The following CIBAR2 variants were observed in gnomAD, a reference collection of about 807,000 sequenced individuals.
The protein encoded by CIBAR2 is CBY1 interacting BAR domain containing 2, also known as CBY1-interacting BAR domain-containing protein 2.
CIBAR2 carries 38 observed loss-of-function variants against 36.2 expected under a neutral mutation model. That is an observed-to-expected ratio of 1.05 (90% confidence interval 0.81 to 1.38). The LOEUF (loss-of-function observed/expected upper bound fraction) is 1.38, where lower values mean the gene tolerates loss of function less well. CIBAR2 is among the 40% of genes most tolerant of loss of function. The probability of loss-of-function intolerance (pLI) is 0.00; values close to 1 mark genes in which losing one functional copy is unlikely to be tolerated. For synonymous variants in CIBAR2, 182 were observed against 149.5 expected (o/e 1.22, Z -1.58); for missense variants, 481 against 383.4 (o/e 1.25, Z -2.13).
chr16:85,110,347 T>C lies in CIBAR2; in HGVS notation c.134A>G (p.Lys45Arg), dbSNP rs1208975900. The change falls in exon 2 of 9, where the codon AAG becomes AGG. Residue 45 changes from lysine to arginine, a missense_variant. Coordinates refer to ENST00000539556, the MANE Select transcript of CIBAR2 (RefSeq NM_198491.3). The stretch of plus-strand genomic sequence containing the variant: ...GAGCTGCTTGACCAGCTGGTCCGCC[T>C]TGTCCCGCAGCCGGGCCGTCTTGCG... The part of the protein sequence containing the change: ...YTRKTARLRD[K>R]ADQLVKQLID... 2 of 1,613,294 alleles carry C rather than the reference T, an allele frequency of 1.2e-6. No homozygotes were observed. Among genetic ancestry groups the C allele is most frequent in the African/African-American group, 1.3e-5 (1 of 74,918 alleles).
chr16:85,101,449 G>C (rs1256666629), intron 7 of CIBAR2, among the ~76,000 whole-genome samples: 1 of 152,008 alleles, frequency 6.6e-6, no homozygotes, highest in African/African-American at 2.4e-5. Flanking sequence ...AACTGCCCAC[G>C]TGAGCCCCAT....
At chr16:85,111,574 A>G (rs2074042968) in intron 1 of CIBAR2, among the ~76,000 whole-genome samples, 1 of 152,142 alleles carries the variant, frequency 6.6e-6, no homozygotes, top group Non-Finnish European at 1.5e-5. Flanking sequence ...GGCTGGGCAC[A>G]GTGGCTCACG....
At position 85,110,415 on chromosome 16, in the gene CIBAR2, C is replaced by G; in HGVS notation, c.66G>C (p.Glu22Asp). Reference sequence around the variant, plus strand: ...GCGAGCAGAACTGCCCAAAGTACTTCTCGGTGTTGGCCACGGTATTCTCCA... The same window carrying G: ...GCGAGCAGAACTGCCCAAAGTACTTGTCGGTGTTGGCCACGGTATTCTCCA... ...RVMENTVANT[E>D]KYFGQFCSLL... Residue 22 changes from glutamate to aspartate, a missense_variant, in exon 2 of 9, where the codon GAG (glutamate) becomes GAC (aspartate). Transcript: ENST00000539556. 1.9e-6 allele frequency: 3 copies of G among 1,612,332 alleles called. No homozygotes were observed. The highest frequency in any genetic ancestry group is 2.7e-5 in the African/African-American group (2 of 75,010).
At chr16:85,110,704 C>G (rs1395918707) in intron 1 of CIBAR2, among the ~76,000 whole-genome samples, 2 of 93,884 alleles carry the variant, frequency 2.1e-5, no homozygotes, top group South Asian at 3.4e-4. Flanking sequence ...CAGACCTGGC[C>G]TTTTTTTTTT....
chr16:85,104,248 G>A (rs1281284223), intron 6 of CIBAR2, among the ~76,000 whole-genome samples: 4 of 152,254 alleles, frequency 2.6e-5, no homozygotes, highest in Non-Finnish European at 4.4e-5. Context: ...GCCTCGGGTA[G>A]GAATGGGCTC....
chr16:85,098,509 G>C lies in CIBAR2; in HGVS notation c.*676C>G, dbSNP rs2073928152. ...GTGGCTTGCCTGAGGGCACACAGCA[G>C]AGCCCACCTGAGGATCCAAGGCCAG... On this transcript the variant is annotated 3_prime_UTR_variant, in exon 9 of 9. Coordinates refer to ENST00000539556, the MANE Select transcript of CIBAR2 (RefSeq NM_198491.3). The C allele has an allele frequency of 6.1e-6, 6 of 986,080 alleles. No homozygotes were observed. In the African/African-American group the frequency reaches 8.7e-5, roughly 14 times the overall value. The allele number at this position is 986,080 out of a possible 1,614,324, so 61.1% of individuals were successfully genotyped here.
intron 8 of CIBAR2, among the ~76,000 whole-genome samples, chr16:85,099,912 G>A (rs2073941803): frequency 6.6e-6 from 1 of 150,776 alleles, no homozygotes; most frequent in Non-Finnish European, 1.5e-5. Flanking sequence ...TAAAGTGCTG[G>A]GATTATAGGC....
intron 4 of CIBAR2, 44 bp from the exon 5 acceptor site, chr16:85,107,716 C>A: frequency 6.2e-7 from 1 of 1,613,326 alleles, no homozygotes; most frequent in South Asian, 1.1e-5. Context: ...CCCAGGCAGC[C>A]CCGTTGGGGT....
intron 7 of CIBAR2, among the ~76,000 whole-genome samples, chr16:85,101,701 G>A (rs1307201536): frequency 1.9e-4 from 28 of 149,298 alleles, no homozygotes; most frequent in African/African-American, 6.4e-4. Flanking sequence ...ATGGAGTCTC[G>A]CTCTGTCGCC....
chr16:85,108,126 C>T (rs747040228), intron 2 of CIBAR2, 27 bp from the exon 3 acceptor site: 1 of 1,591,040 alleles, frequency 6.3e-7, no homozygotes. Context: ...ACCAGGGGAT[C>T]TGAGCGCAGG....
rs201498601 is a variant in CIBAR2 at position 85,107,939 on chromosome 16, G to C, written c.333C>G (p.Ile111Met). 1.2e-6 allele frequency: 2 copies of C among 1,614,036 alleles called. No individual in the cohort carries two copies. Among genetic ancestry groups the C allele is most frequent in the South Asian group, 1.1e-5 (1 of 91,086 alleles). ...GATTTTGGACATGTTTGAATTTCTT[G>C]ATCTCAGCCTGCAGAAAAGGAGGAG... ...GAQIKQTRAE[I>M]KKFKHVQNHE... The change falls in exon 4 of 9, where the codon ATC becomes ATG. Residue 111 changes from isoleucine to methionine, a missense_variant. By Grantham distance (10) the Ile-to-Met change is conservative. Transcript: ENST00000539556.
At position 85,102,243 on chromosome 16, in the gene CIBAR2, C is replaced by T; in HGVS notation, c.622G>A (p.Glu208Lys). Reference sequence around the variant, plus strand: ...AGATCCCTCTCCAGGTCATACTTCTCCAGGGTCTGGAAGGCGCTAGAATAC... The same window carrying T: ...AGATCCCTCTCCAGGTCATACTTCTTCAGGGTCTGGAAGGCGCTAGAATAC... The part of the protein sequence containing the change: ...EVYSSAFQTL[E>K]KYDLERDLLD... Residue 208 changes from glutamate (E) to lysine (K), a missense_variant, in exon 7 of 9, where the codon GAG becomes AAG. By Grantham distance (56) the Glu-to-Lys change is moderately conservative. Transcript: ENST00000539556. The T allele has an allele frequency of 6.2e-7, 1 of 1,611,206 alleles. No individual in the cohort carries two copies. The highest frequency in any genetic ancestry group is 8.5e-7 in the Non-Finnish European group (1 of 1,177,312).
chr16:85,104,270 G>A (rs1241411788), intron 6 of CIBAR2, among the ~76,000 whole-genome samples: 1 of 152,240 alleles, frequency 6.6e-6, no homozygotes, highest in Non-Finnish European at 1.5e-5. Context: ...GTGCACTGGA[G>A]CTTGGAGTGC....
chr16:85,111,697 T>C (rs1053104287), intron 1 of CIBAR2, among the ~76,000 whole-genome samples: 4 of 152,204 alleles, frequency 2.6e-5, no homozygotes, highest in Admixed American at 1.3e-4. Context: ...ATACAAAAAA[T>C]TAACCGGGCG....
chr16:85,100,610 G>T (rs753147732), intron 7 of CIBAR2, among the ~76,000 whole-genome samples: 1 of 152,060 alleles, frequency 6.6e-6, no homozygotes, highest in Non-Finnish European at 1.5e-5. Context: ...AGGCTTACTG[G>T]TAACTCAGAT....
intron 7 of CIBAR2, among the ~76,000 whole-genome samples, chr16:85,100,646 C>G (rs929725666): frequency 6.6e-6 from 1 of 152,176 alleles, no homozygotes; most frequent in African/African-American, 2.4e-5. Context: ...CCATCAGGAG[C>G]TGGAATCAAA....
intron 8 of CIBAR2, 94 bp downstream of exon 8, chr16:85,100,045 G>A: frequency 3.1e-6 from 3 of 965,870 alleles, no homozygotes. Context: ...CGAGTTCTCA[G>A]CCACCCTCCT....
chr16:85,105,360 A>C lies in CIBAR2; in HGVS notation c.504T>G (p.Asp168Glu), dbSNP rs1323996749. The C allele has an allele frequency of 4.3e-6, 7 of 1,613,716 alleles. No homozygotes were observed. The highest frequency in any genetic ancestry group is 5.1e-6 in the Non-Finnish European group (6 of 1,179,946). Residue 168 changes from aspartate (D) to glutamate (E), a missense_variant, in exon 6 of 9, where the codon GAT becomes GAG. Coordinates refer to ENST00000539556, the MANE Select transcript of CIBAR2 (RefSeq NM_198491.3). ...RTTLQLEETV[D>E]GFQRQKLKDL... ...CCTTGAGCTTCTGCCTCTGGAAGCC[A>C]TCCACAGTCTCCTCCAGCTGGAGGG...
At chr16:85,102,422 G>T in intron 6 of CIBAR2, 95 bp from the exon 7 acceptor site, 1 of 761,320 alleles carries the variant, frequency 1.3e-6, no homozygotes. Flanking sequence ...GGTGTGGAGG[G>T]CTGTCCGTGT....
Sources: gnomAD v4.1 joint callset for allele counts (sites outside exome capture counted in the v4.1 genomes callset) on GRCh38, gnomAD v4.1.1 for gene constraint, MANE v1.5 for transcripts, NCBI Gene and HGNC (gene_info 2026-07-23, HGNC 2026-07-21) for gene names.